Variants in CD1B observed in about 807,000 individuals in gnomAD.
CD1B encodes CD1b molecule.
In CD1B, 43 loss-of-function variants were observed where a neutral mutation model predicts 39.8. The ratio of observed to expected loss-of-function variants is 1.08; its 90% confidence interval spans 0.85 to 1.39. CD1B has a LOEUF of 1.39. Ranked by LOEUF, CD1B falls within the 40% of genes most tolerant of loss-of-function variation. The pLI, the probability that CD1B is intolerant of heterozygous loss-of-function variation, is 0.00. For synonymous variants in CD1B, 192 were observed against 152.5 expected (o/e 1.26, Z -1.91); for missense variants, 495 against 403.8 (o/e 1.23, Z -1.94).
At chr1:158,329,181 GTCCTTAATTCC>G (rs1652478996) in intron 4 of CD1B, among the ~76,000 whole-genome samples, 167 bp from the exon 5 acceptor site, 1 of 151,988 alleles carries the variant, frequency 6.6e-6, no homozygotes, top group African/African-American at 2.4e-5. Flanking sequence ...CAGTTTACAG[GTCCTTAATTCC>G]TACATTTTTG....
chr1:158,312,202 G>T, the CD1B span, among the ~76,000 whole-genome samples: 3 of 152,152 alleles, frequency 2.0e-5, no homozygotes. Flanking sequence ...CCCATATGTT[G>T]TGGGAGGGAC....
At chr1:158,291,467 T>A in the CD1B span, 13 of 1,535,880 alleles carry the variant, frequency 8.5e-6, no homozygotes, top group Non-Finnish European at 1.2e-5. Context: ...TATTCTCTAC[T>A]AATTTTTGGG....
At chr1:158,325,779 C>A (rs1332352848), downstream of CD1B, among the ~76,000 whole-genome samples, 1 of 151,912 alleles carries the variant, frequency 6.6e-6, no homozygotes, top group Non-Finnish European at 1.5e-5. Flanking sequence ...TTTAAGTGTA[C>A]AATTCTGTGT....
downstream of CD1B, among the ~76,000 whole-genome samples, chr1:158,323,442 T>C (rs1652254583): frequency 6.6e-6 from 1 of 152,198 alleles, no homozygotes; most frequent in Admixed American, 6.5e-5. Context: ...CAAGCTATTC[T>C]GAATTCCTTG....
chr1:158,307,168 A>C, the CD1B span, among the ~76,000 whole-genome samples: 1 of 152,016 alleles, frequency 6.6e-6, no homozygotes, highest in African/African-American at 2.4e-5. Context: ...GATCAACAAA[A>C]TTGACAGACT....
At chr1:158,295,025 A>C in the CD1B span, among the ~76,000 whole-genome samples, 1 of 152,146 alleles carries the variant, frequency 6.6e-6, no homozygotes, top group African/African-American at 2.4e-5. Context: ...CTGCACCCTT[A>C]GTCACCCTGT....
chr1:158,311,596 C>G, the CD1B span, among the ~76,000 whole-genome samples: 3 of 151,928 alleles, frequency 2.0e-5, no homozygotes, highest in Admixed American at 2.0e-4. Flanking sequence ...TGAAGCATTC[C>G]CCTATATTTT....
chr1:158,308,004 GA>G, the CD1B span, among the ~76,000 whole-genome samples: 1 of 152,138 alleles, frequency 6.6e-6, no homozygotes, highest in African/African-American at 2.4e-5. Context: ...GCAGGAGAAG[GA>G]AATAAAGGGT....
Position 158,329,490 on chromosome 1 carries a change from T to C in CD1B, c.766A>G (p.Asn256Asp), listed in dbSNP as rs1652496022. 6.2e-7 allele frequency: 1 copy of C among 1,614,136 alleles called. No homozygotes were observed. The highest frequency in any genetic ancestry group is 8.5e-7 in the Non-Finnish European group (1 of 1,180,024). ...QGTQLGDILP[N>D]ANWTWYLRAT... Reference sequence around the variant, plus strand: ...CGGAGATACCATGTCCAGTTAGCATTGGGCAGGATGTCCCCTAGCTGAGTG... The same window carrying C: ...CGGAGATACCATGTCCAGTTAGCATCGGGCAGGATGTCCCCTAGCTGAGTG... The change falls in exon 4 of 6, where the codon AAT becomes GAT. Residue 256 changes from asparagine to aspartate, a missense_variant. Coordinates refer to ENST00000368168, the MANE Select transcript of CD1B (RefSeq NM_001764.3).
At chr1:158,308,386 C>A in the CD1B span, among the ~76,000 whole-genome samples, 3 of 152,080 alleles carry the variant, frequency 2.0e-5, no homozygotes, top group Non-Finnish European at 4.4e-5. Flanking sequence ...GAATCAATAT[C>A]ATGAAAATGG....
At chr1:158,294,327 C>T in the CD1B span, among the ~76,000 whole-genome samples, 1 of 152,168 alleles carries the variant, frequency 6.6e-6, no homozygotes, top group African/African-American at 2.4e-5. Context: ...CTTTAGGTTT[C>T]ATTCACTAAT....
Position 158,328,260 on chromosome 1 carries a change from G to C in CD1B, c.981-3C>G. ...CTCATGGGATATTCTGATATGACCTGTTAAAAACAGAAGAACAAAAGAGCT... is the reference window on the plus strand; with the variant it reads ...CTCATGGGATATTCTGATATGACCTCTTAAAAACAGAAGAACAAAAGAGCT... On this transcript the variant is annotated splice_polypyrimidine_tract_variant and splice_region_variant and intron_variant, in intron 5 of 5. Coordinates refer to ENST00000368168, the MANE Select transcript of CD1B (RefSeq NM_001764.3). 1.2e-6 allele frequency: 2 copies of C among 1,610,094 alleles called. No homozygotes were observed. The highest frequency in any genetic ancestry group is 1.7e-6 in the Non-Finnish European group (2 of 1,176,826).
At chr1:158,325,476 C>T (rs541836827), downstream of CD1B, among the ~76,000 whole-genome samples, 17 of 152,146 alleles carry the variant, frequency 1.1e-4, no homozygotes, top group African/African-American at 3.4e-4. Flanking sequence ...TGTAAAGCCA[C>T]GCTTCTCACT....
At chr1:158,316,569 G>C in the CD1B span, among the ~76,000 whole-genome samples, 2 of 151,654 alleles carry the variant, frequency 1.3e-5, no homozygotes, top group African/African-American at 4.9e-5. Flanking sequence ...TGAGACAATG[G>C]GGTTTTCTAG....
the CD1B span, among the ~76,000 whole-genome samples, chr1:158,299,971 T>C: frequency 1.3e-5 from 2 of 152,206 alleles, no homozygotes; most frequent in Non-Finnish European, 2.9e-5. Context: ...AAGATTTTTT[T>C]TGTGTCTTTA....
chr1:158,328,979 T>G lies in CD1B; in HGVS notation c.922A>C (p.Ile308Leu), dbSNP rs148018913. 1 of 1,613,830 alleles carries G rather than the reference T, an allele frequency of 6.2e-7. No individual in the cohort carries two copies. Among genetic ancestry groups the G allele is most frequent in the African/African-American group, 1.3e-5 (1 of 74,860 alleles). ...AAAAGGAGCAAGGAAGGCACTATTA[T>G]TGCCAAAACAATTGAGCCAATGGAG... ...PTSIGSIVLA[I>L]IVPSLLLLLC... Residue 308 changes from isoleucine to leucine, a missense_variant, in exon 5 of 6, where the codon ATA becomes CTA. Transcript: ENST00000368168.
downstream of CD1B, among the ~76,000 whole-genome samples, chr1:158,327,616 T>C (rs546477307): frequency 6.6e-6 from 1 of 152,244 alleles, no homozygotes; most frequent in East Asian, 1.9e-4. Context: ...GATCTACAAA[T>C]AGGGAACACT....
chr1:158,320,690 T>C, the CD1B span, among the ~76,000 whole-genome samples: 1 of 152,122 alleles, frequency 6.6e-6, no homozygotes, highest in South Asian at 2.1e-4. Flanking sequence ...TCCCCCTCCA[T>C]AGGTTTTTGT....
the CD1B span, chr1:158,290,213 A>C: frequency 5.9e-6 from 7 of 1,191,266 alleles, no homozygotes; most frequent in Admixed American, 1.2e-4. Context: ...GAGATGCCAG[A>C]ATGCTTGCCA....
Sources: gnomAD v4.1 joint callset for allele counts (sites outside exome capture counted in the v4.1 genomes callset) on GRCh38, gnomAD v4.1.1 for gene constraint, MANE v1.5 for transcripts, NCBI Gene and HGNC (gene_info 2026-07-23, HGNC 2026-07-21) for gene names.